Variants in MLLT10 observed in about 807,000 individuals in gnomAD.
The protein encoded by MLLT10 is MLLT10 histone lysine methyltransferase DOT1L cofactor.
In MLLT10, 30 loss-of-function variants were observed where a neutral mutation model predicts 129.1. That is an observed-to-expected ratio of 0.23 (90% confidence interval 0.17 to 0.32). MLLT10 has a LOEUF of 0.32. Ranked by LOEUF, MLLT10 falls within the 10% of genes least tolerant of loss-of-function variation. The probability of loss-of-function intolerance (pLI) is 1.00; values close to 1 mark genes in which losing one functional copy is unlikely to be tolerated. For synonymous variants in MLLT10, 490 were observed against 446.4 expected (o/e 1.10, Z -1.23); for missense variants, 1,119 against 1,268.3 (o/e 0.88, Z 1.79).
At chr10:21,724,922 C>G (rs1014921377) in intron 14 of MLLT10, among the ~76,000 whole-genome samples, 1 of 152,294 alleles carries the variant, frequency 6.6e-6, no homozygotes, top group African/African-American at 2.4e-5. Context: ...AAACTTTGGA[C>G]GAGCTCTTCA....
At chr10:21,588,997 T>A (rs570176808) in intron 4 of MLLT10, among the ~76,000 whole-genome samples, 1 of 152,146 alleles carries the variant, frequency 6.6e-6, no homozygotes, top group East Asian at 1.9e-4. Flanking sequence ...CTGATTTTTT[T>A]ATTTTTAGTA....
intron 2 of MLLT10, 115 bp downstream of exon 2, chr10:21,534,919 C>T: frequency 4.3e-6 from 3 of 691,188 alleles, no homozygotes; most frequent in Non-Finnish European, 5.4e-6. Flanking sequence ...GCGGGAGGGA[C>T]GCGGAGGGTC....
At position 21,673,461 on chromosome 10, in the gene MLLT10, C is replaced by T. The variant is rs1179225380; in HGVS notation, c.1163C>T (p.Ser388Phe). ...TDSDLRNDSY[S>F]HSQQSSATKD... is the part of the protein sequence containing the mutation. ...TCAGATCTGCGTAATGACAGTTACT[C>T]TCACTCCCAACAGTCATCAGCAACC... The change falls in exon 11 of 23, where the codon TCT (serine) becomes TTT (phenylalanine). Residue 388 changes from serine (S) to phenylalanine (F), a missense_variant. Ser to Phe is a radical substitution (Grantham distance 155, BLOSUM62 -2). Transcript: ENST00000307729. 7 of 1,613,512 alleles carry T rather than the reference C, an allele frequency of 4.3e-6. No individual in the cohort carries two copies. Among genetic ancestry groups the T allele is most frequent in the Non-Finnish European group, 5.1e-6 (6 of 1,179,890 alleles).
intron 10 of MLLT10, 29 bp from the exon 11 acceptor site, chr10:21,673,318 CTTT>C (rs397719980): frequency 0.039 from 11,836 of 304,242 alleles, 1 homozygote; most frequent in Middle Eastern, 0.055. Context: ...CACCCCCCAA[CTTT>C]TTTTTTTTTT....
intron 9 of MLLT10, among the ~76,000 whole-genome samples, chr10:21,662,521 T>C (rs2050314240): frequency 6.6e-6 from 1 of 152,178 alleles, no homozygotes; most frequent in African/African-American, 2.4e-5. Context: ...ATCAAAGACA[T>C]TCTTCATTTC....
chr10:21,706,070 GT>G (rs2055463583), intron 13 of MLLT10, among the ~76,000 whole-genome samples: 1 of 152,184 alleles, frequency 6.6e-6, no homozygotes, highest in Non-Finnish European at 1.5e-5. Flanking sequence ...TTGGTTGTTA[GT>G]TTTTTGTTGA....
intron 3 of MLLT10, among the ~76,000 whole-genome samples, chr10:21,563,855 C>T (rs2039179462): frequency 6.6e-6 from 1 of 150,872 alleles, no homozygotes; most frequent in South Asian, 2.1e-4. Context: ...CTTTGTCGCC[C>T]AGGCTGGAGT....
At position 21,553,655 on chromosome 10, in the gene MLLT10, T is replaced by TC. The variant is rs1040008457; in HGVS notation, c.240+14744dup. The stretch of plus-strand genomic sequence containing the variant: ...TTCTGATTTCTTTTCCTTTTCCTTT[T>TC]CTTTTTTTTTTTTTCAGACAGGGCC... On this transcript the variant is annotated intron_variant, in intron 3 of 22. Coordinates refer to ENST00000307729, the MANE Select transcript of MLLT10 (RefSeq NM_001195626.3). Among the ~76,000 whole-genome samples the TC allele has an allele frequency of 2.7e-5, 4 of 150,516 alleles. No individual in the cohort carries two copies. The South Asian group carries it at 8.3e-4, about 31-fold the overall frequency.
At chr10:21,669,489 G>T (rs1474582054) in intron 9 of MLLT10, among the ~76,000 whole-genome samples, 1 of 151,992 alleles carries the variant, frequency 6.6e-6, no homozygotes, top group Non-Finnish European at 1.5e-5. Flanking sequence ...TTATAGCAGA[G>T]ATTTTAGATA....
In MLLT10 at chr10:21,740,237, G is replaced by A; in HGVS notation, c.3162+1G>A. 1 of 1,613,468 alleles carries A rather than the reference G, an allele frequency of 6.2e-7. No individual in the cohort carries two copies. Among genetic ancestry groups the A allele is most frequent in the Non-Finnish European group, 8.5e-7 (1 of 1,179,406 alleles). On this transcript the variant is annotated splice_donor_variant, in intron 22 of 22. Transcript: ENST00000307729. LOFTEE classifies it high-confidence loss of function. ...AGATAATGCAAGTCAGAAAGTAGCA[G>A]TAAGTATATTTTCCTTACTACATCT...
At chr10:21,716,963 A>T (rs1192379061) in intron 14 of MLLT10, among the ~76,000 whole-genome samples, 1 of 151,904 alleles carries the variant, frequency 6.6e-6, no homozygotes, top group Non-Finnish European at 1.5e-5. Flanking sequence ...GTATCTTAAG[A>T]ACTGTTCCCT....
Position 21,566,332 on chromosome 10 carries a change from C to A in MLLT10, c.241-19962C>A, listed in dbSNP as rs566153263. Among the ~76,000 whole-genome samples, 340 of 150,296 alleles carry A rather than the reference C, an allele frequency of 2.3e-3. 3 individuals carry two copies. The highest frequency in any genetic ancestry group is 7.9e-3 in the African/African-American group (325 of 40,948). On this transcript the variant is annotated intron_variant, in intron 3 of 22. Transcript: ENST00000307729. Reference sequence around the variant, plus strand: ...ATAGATGTTGTCAGACTCCCCCCCACCCCCTTTTTTTTTTTTGAGACAAAG... The same window carrying A: ...ATAGATGTTGTCAGACTCCCCCCCAACCCCTTTTTTTTTTTTGAGACAAAG...
chr10:21,545,243 CTT>C (rs55655739), intron 3 of MLLT10, among the ~76,000 whole-genome samples: 11 of 142,252 alleles, frequency 7.7e-5, no homozygotes, highest in Admixed American at 1.4e-4. Context: ...AACCACATGC[CTT>C]TTTTTTTTTT....
At chr10:21,571,775 T>C (rs1429536130) in intron 3 of MLLT10, among the ~76,000 whole-genome samples, 5 of 152,226 alleles carry the variant, frequency 3.3e-5, no homozygotes, top group Non-Finnish European at 5.9e-5. Context: ...TAGCCTTTGC[T>C]ATTCTTTGTT....
intron 8 of MLLT10, among the ~76,000 whole-genome samples, chr10:21,631,700 A>G (rs561589555): frequency 6.6e-6 from 1 of 152,250 alleles, no homozygotes; most frequent in South Asian, 2.1e-4. Context: ...ACTGCTACAT[A>G]CTTTCAAACA....
chr10:21,724,517 G>T (rs545772249), intron 14 of MLLT10, among the ~76,000 whole-genome samples: 1 of 152,134 alleles, frequency 6.6e-6, no homozygotes. Context: ...GTTCTTTGCC[G>T]ATATTTTCAA....
intron 17 of MLLT10, 21 bp downstream of exon 17, chr10:21,731,075 A>G (rs753471228): frequency 1.3e-6 from 2 of 1,591,310 alleles, no homozygotes; most frequent in Non-Finnish European, 1.7e-6. Flanking sequence ...ATTTTCTTAT[A>G]TGTGAATCAA....
chr10:21,635,287 T>C (rs1473459548), intron 8 of MLLT10, among the ~76,000 whole-genome samples: 1 of 152,186 alleles, frequency 6.6e-6, no homozygotes, highest in Non-Finnish European at 1.5e-5. Context: ...CTTACCTCCT[T>C]GTATTTTGGG....
intron 20 of MLLT10, among the ~76,000 whole-genome samples, 188 bp from the exon 21 acceptor site, chr10:21,734,951 C>T (rs112940682): frequency 6.6e-6 from 1 of 152,228 alleles, no homozygotes; most frequent in South Asian, 2.1e-4. Context: ...TCTTGTTTAG[C>T]TGTACACATG....
Sources: allele counts gnomAD v4.1 joint callset (sites outside exome capture counted in the v4.1 genomes callset), GRCh38; gene constraint gnomAD v4.1.1; transcripts MANE v1.5; gene names NCBI Gene and HGNC (gene_info 2026-07-23, HGNC 2026-07-21).